Variants in CDH8 observed in about 807,000 individuals in gnomAD.
The protein encoded by CDH8 is cadherin 8, also known as cadherin-8.
A neutral mutation model predicts 68.1 loss-of-function variants in CDH8; 17 were observed. That is an observed-to-expected ratio of 0.25 (90% confidence interval 0.17 to 0.37). The LOEUF is 0.37. Among genes scored for constraint, CDH8 ranks in the 10% least tolerant of loss-of-function variants. CDH8 has a pLI of 1.00. For synonymous variants in CDH8, 372 were observed against 365.1 expected (o/e 1.02, Z -0.21); for missense variants, 763 against 999.3 (o/e 0.76, Z 3.19).
intron 10 of CDH8, among the ~76,000 whole-genome samples, chr16:61,660,978 T>C (rs916866918): frequency 1.3e-5 from 2 of 151,788 alleles, no homozygotes; most frequent in African/African-American, 4.8e-5. Flanking sequence ...CAAATCCACA[T>C]TAAAAATAAA....
At chr16:61,796,825 C>A (rs965442251) in intron 7 of CDH8, among the ~76,000 whole-genome samples, 1 of 152,074 alleles carries the variant, frequency 6.6e-6, no homozygotes, top group Non-Finnish European at 1.5e-5. Context: ...ACCACAGACA[C>A]AAGCCAATGT....
intron 10 of CDH8, among the ~76,000 whole-genome samples, chr16:61,706,041 A>G (rs538682807): frequency 6.6e-6 from 1 of 152,336 alleles, no homozygotes; most frequent in South Asian, 2.1e-4. Flanking sequence ...TATTGAATGA[A>G]TGAATAAGGG....
chr16:61,822,204 CCTTTTTTTTTTTTTTTTTTTTTTTTT>C (rs1962230380), intron 5 of CDH8, among the ~76,000 whole-genome samples: 1 of 82,670 alleles, frequency 1.2e-5, no homozygotes, highest in Admixed American at 1.7e-4. Context: ...CAAAAACGCA[CCTTTTTTTTTTTTTTTTTTTTTTTTT>C]TTTTTTTTTT....
chr16:61,905,415 T>G (rs946439541), intron 2 of CDH8, among the ~76,000 whole-genome samples: 3 of 151,978 alleles, frequency 2.0e-5, no homozygotes, highest in African/African-American at 7.2e-5. Flanking sequence ...GTAAACTACA[T>G]AGTAATATAT....
rs117802812 is a variant in CDH8, at chr16:61,729,963, C to T, written c.1415-2748G>A. ...TATGTATGATATTATTCTTTGTTTT[C>T]CTTATCTTTAATATTACATGCACGT... On this transcript the variant is annotated intron_variant, in intron 8 of 11. Coordinates refer to ENST00000577390, the MANE Select transcript of CDH8 (RefSeq NM_001796.5). Among the ~76,000 whole-genome samples, 550 of 151,124 alleles carry T rather than the reference C, an allele frequency of 3.6e-3. 2 individuals are homozygous for T. The highest frequency in any genetic ancestry group is 7.1e-3 in the South Asian group (34 of 4,812).
chr16:61,708,783 G>T (rs932625134), intron 10 of CDH8, among the ~76,000 whole-genome samples: 3 of 152,146 alleles, frequency 2.0e-5, no homozygotes, highest in Non-Finnish European at 4.4e-5. Flanking sequence ...TATGCATAGT[G>T]CTGTTCTCCG....
chr16:61,928,092 T>C (rs1371481481), intron 2 of CDH8, among the ~76,000 whole-genome samples: 2 of 152,184 alleles, frequency 1.3e-5, no homozygotes, highest in Non-Finnish European at 2.9e-5. Context: ...CACTGTGGTA[T>C]TACATGGCTG....
chr16:61,816,674 C>T (rs1962082061), intron 7 of CDH8, among the ~76,000 whole-genome samples: 1 of 152,012 alleles, frequency 6.6e-6, no homozygotes, highest in East Asian at 1.9e-4. Flanking sequence ...TATAGATTTT[C>T]AGTGTGCTTT....
At chr16:61,930,780 T>G (rs1457762438) in intron 2 of CDH8, among the ~76,000 whole-genome samples, 1 of 152,178 alleles carries the variant, frequency 6.6e-6, no homozygotes, top group Non-Finnish European at 1.5e-5. Flanking sequence ...CTTGGACCAT[T>G]AAGGATTTTC....
rs79317201 is a variant in CDH8 at position 62,008,379 on chromosome 16, T to A, written c.252+12773A>T. 8.7e-3 allele frequency among the ~76,000 whole-genome samples: 1,319 copies of A among 152,330 alleles called. 8 individuals carry two copies. The highest frequency in any genetic ancestry group is 0.012 in the Non-Finnish European group (847 of 68,032). On this transcript the variant is annotated intron_variant, in intron 2 of 11. Transcript: ENST00000577390. ...TACCATCTCATTTTGTTTACGTGAA[T>A]GTGATGATGGGGAGCTGGGAGAGTC...
intron 2 of CDH8, among the ~76,000 whole-genome samples, chr16:62,014,066 G>A (rs1246947901): frequency 2.0e-5 from 3 of 152,118 alleles, no homozygotes; most frequent in Non-Finnish European, 2.9e-5. Flanking sequence ...GAGATGAGCA[G>A]GGTGAGAGTC....
chr16:62,007,098 G>T (rs949120339), intron 2 of CDH8, among the ~76,000 whole-genome samples: 2 of 151,832 alleles, frequency 1.3e-5, no homozygotes, highest in South Asian at 4.2e-4. Flanking sequence ...AGTAGAGATG[G>T]GGTTTCACCA....
intron 7 of CDH8, among the ~76,000 whole-genome samples, chr16:61,793,316 T>G (rs1961421918): frequency 1.3e-5 from 2 of 151,870 alleles, no homozygotes; most frequent in African/African-American, 4.8e-5. Context: ...CATAGGTAAA[T>G]GTGTGTCATG....
At chr16:61,694,783 G>A (rs1359277895) in intron 10 of CDH8, among the ~76,000 whole-genome samples, 1 of 151,936 alleles carries the variant, frequency 6.6e-6, no homozygotes, top group Admixed American at 6.6e-5. Context: ...GGTGGTGGTG[G>A]TGGTGGTGGT....
chr16:61,649,325 A>G lies in CDH8; in HGVS notation c.*4283T>C, dbSNP rs558512137. ...AGATTCATGAAAACAGAGAGCCACA[A>G]TTTCAATTTGTTGGCAGTGCGTGAG... On this transcript the variant is annotated 3_prime_UTR_variant, in exon 12 of 12. Coordinates refer to ENST00000577390, the MANE Select transcript of CDH8 (RefSeq NM_001796.5). 6.6e-6 allele frequency: 1 copy of G among 151,962 alleles called. No individual in the cohort carries two copies. Among genetic ancestry groups the G allele is most frequent in the East Asian group, 1.9e-4 (1 of 5,154 alleles). 9.4% of individuals were successfully genotyped at this position (151,962 alleles called of 1,614,324 possible). A position where few individuals can be genotyped will look rare whatever the true frequency, so the allele number is the denominator to read the frequency against.
intron 2 of CDH8, among the ~76,000 whole-genome samples, chr16:61,999,844 G>A (rs1006390486): frequency 7.9e-5 from 12 of 151,924 alleles, no homozygotes; most frequent in Non-Finnish European, 1.5e-4. Flanking sequence ...GAATGTGCAG[G>A]TTTGTTACAT....
chr16:61,992,612 T>C (rs887338288), intron 2 of CDH8, among the ~76,000 whole-genome samples: 8 of 149,912 alleles, frequency 5.3e-5, no homozygotes, highest in Admixed American at 4.7e-4. Context: ...GAAAATGTGG[T>C]TCAGAGAATA....
intron 2 of CDH8, among the ~76,000 whole-genome samples, chr16:61,994,205 T>C (rs891466228): frequency 1.3e-5 from 2 of 152,182 alleles, no homozygotes; most frequent in Non-Finnish European, 1.5e-5. Context: ...ACTCTTACCC[T>C]TTCCTCTTGA....
At chr16:61,699,089 G>A (rs540457087) in intron 10 of CDH8, among the ~76,000 whole-genome samples, 1 of 152,152 alleles carries the variant, frequency 6.6e-6, no homozygotes, top group South Asian at 2.1e-4. Flanking sequence ...CTTTCATGAA[G>A]CCCCACCAAC....
Sources: allele counts gnomAD v4.1 joint callset (sites outside exome capture counted in the v4.1 genomes callset), GRCh38; gene constraint gnomAD v4.1.1; transcripts MANE v1.5; gene names NCBI Gene and HGNC (gene_info 2026-07-23, HGNC 2026-07-21).